Variants in KDR observed in about 807,000 individuals in gnomAD.
The protein encoded by KDR is vascular endothelial growth factor receptor 2.
Under a neutral mutation model 160.9 loss-of-function variants are expected in KDR, and 43 were observed. The ratio of observed to expected loss-of-function variants is 0.27; its 90% CI spans 0.21 to 0.34. The LOEUF (loss-of-function observed/expected upper bound fraction) is 0.34, where lower values mean the gene tolerates loss of function less well. Among genes scored for constraint, KDR ranks in the 10% least tolerant of loss-of-function variants. The pLI is 1.00. For synonymous variants in KDR, 617 were observed against 600.1 expected (o/e 1.03, Z -0.41); for missense variants, 1,469 against 1,666.4 (o/e 0.88, Z 2.06).
intron 9 of KDR, among the ~76,000 whole-genome samples, chr4:55,108,583 C>T (rs1720499142): frequency 6.6e-6 from 1 of 152,138 alleles, no homozygotes; most frequent in South Asian, 2.1e-4. Flanking sequence ...AACCTAGACA[C>T]TCTGACTTCT....
rs1336748999 is a variant in KDR at position 55,118,609 on chromosome 4, A to C, written c.353T>G (p.Val118Gly). 1.9e-6 allele frequency: 3 copies of C among 1,612,484 alleles called. No homozygotes were observed. The highest frequency in any genetic ancestry group is 2.5e-6 in the Non-Finnish European group (3 of 1,178,564). ...AATTTTATTTCACCACTTACCTTGA[A>C]CATAGACATAAATGACCGAGGCCAA... is the stretch of plus-strand genomic sequence containing the variant. ...TDLASVIYVYVQDYRSPFIAS... is the reference protein window; with the variant it reads ...TDLASVIYVYGQDYRSPFIAS... Residue 118 changes from valine to glycine, a missense_variant, in exon 3 of 30, where the codon GTT (valine) becomes GGT (glycine). Physicochemically the swap from Val to Gly is moderately radical, Grantham distance 109. This residue lies in a region of KDR where 792 missense variants were observed against 840.9 expected (regional missense o/e 0.94). Coordinates refer to ENST00000263923, the MANE Select transcript of KDR (RefSeq NM_002253.4).
chr4:55,099,676 A>G (rs994836951), intron 15 of KDR, among the ~76,000 whole-genome samples: 39 of 152,228 alleles, frequency 2.6e-4, no homozygotes, highest in Admixed American at 3.3e-4. Context: ...ATCACTTTAA[A>G]TATGCCATTC....
At chr4:55,113,794 C>A (rs1168639615) in intron 6 of KDR, among the ~76,000 whole-genome samples, 1 of 152,120 alleles carries the variant, frequency 6.6e-6, no homozygotes, top group Non-Finnish European at 1.5e-5. Flanking sequence ...AAGAGAAATT[C>A]CCTTAAAAGG....
intron 10 of KDR, among the ~76,000 whole-genome samples, chr4:55,107,042 C>T (rs1388001882): frequency 1.3e-5 from 2 of 152,156 alleles, no homozygotes; most frequent in African/African-American, 4.8e-5. Context: ...TGGGAATAAA[C>T]CTTCATTCAT....
In KDR at chr4:55,081,436, G is replaced by A. The variant is rs184540256; in HGVS notation, c.3848+520C>T. 5.3e-5 allele frequency among the ~76,000 whole-genome samples: 8 copies of A among 152,206 alleles called. No individual in the cohort carries two copies. The East Asian group carries it at 1.4e-3, about 26-fold the overall frequency. Reference sequence around the variant, plus strand: ...TTCAAGACACCTACAAATTCCTACTGAGCCATAGAAGGGAGATTATATTTA... The same window carrying A: ...TTCAAGACACCTACAAATTCCTACTAAGCCATAGAAGGGAGATTATATTTA... On this transcript the variant is annotated intron_variant, in intron 29 of 29. Transcript: ENST00000263923.
At chr4:55,107,020 A>G (rs1250247448) in intron 10 of KDR, among the ~76,000 whole-genome samples, 1 of 152,194 alleles carries the variant, frequency 6.6e-6, no homozygotes, top group Non-Finnish European at 1.5e-5. Context: ...TACAGGAGGG[A>G]AGCAGCTATT....
chr4:55,122,642 T>C (rs1348186317), intron 1 of KDR, among the ~76,000 whole-genome samples: 1 of 152,200 alleles, frequency 6.6e-6, no homozygotes, highest in Admixed American at 6.5e-5. Flanking sequence ...CTGACATAAC[T>C]GGTCAATATC....
chr4:55,102,798 G>C (rs970888160), intron 13 of KDR, among the ~76,000 whole-genome samples: 22 of 152,120 alleles, frequency 1.4e-4, no homozygotes, highest in African/African-American at 5.3e-4. Flanking sequence ...ATTAGACACA[G>C]CCTCCCCAGG....
chr4:55,084,652 G>T (rs796864501), intron 27 of KDR, among the ~76,000 whole-genome samples: 17 of 152,268 alleles, frequency 1.1e-4, no homozygotes, highest in African/African-American at 3.6e-4. Context: ...GTAGAACTGG[G>T]ACTCAAACTT....
At chr4:55,121,530 A>C (rs1720873755) in intron 1 of KDR, among the ~76,000 whole-genome samples, 3 of 152,238 alleles carry the variant, frequency 2.0e-5, no homozygotes, top group African/African-American at 2.4e-5. Context: ...CTCCCTTGGG[A>C]AAGGACCCAC....
rs1336691868 is a variant in KDR, at chr4:55,121,112, A to G, written c.146T>C (p.Leu49Pro). ...DILTIKANTT[L>P]QITCRGQRDL... Reference sequence around the variant, plus strand: ...GAATCCTTACCTGCAAGTAATTTGAAGAGTTGTATTAGCCTTAATTGTAAG... The same window carrying G: ...GAATCCTTACCTGCAAGTAATTTGAGGAGTTGTATTAGCCTTAATTGTAAG... The change falls in exon 2 of 30, where the codon CTT becomes CCT. Residue 49 changes from leucine to proline, a missense_variant. Coordinates refer to ENST00000263923, the MANE Select transcript of KDR (RefSeq NM_002253.4). 6.2e-7 allele frequency: 1 copy of G among 1,611,088 alleles called. No individual in the cohort carries two copies.
intron 16 of KDR, 137 bp from the exon 17 acceptor site, chr4:55,098,409 A>G (rs1257795009): frequency 5.3e-5 from 56 of 1,057,448 alleles, no homozygotes; most frequent in Non-Finnish European, 7.4e-5. Flanking sequence ...GAGTGGTCCT[A>G]TTATAACCCT....
rs1179536443 is a variant in KDR, at chr4:55,105,102, G to C, written c.1646-118C>G. On this transcript the variant is annotated intron_variant, in intron 12 of 29. Coordinates refer to ENST00000263923, the MANE Select transcript of KDR (RefSeq NM_002253.4). ...AAGAAATGAAGCTCTATCCGTTCCAGGTGATGTACTACAACTTGACAAACA... is the reference window on the plus strand; with the variant it reads ...AAGAAATGAAGCTCTATCCGTTCCACGTGATGTACTACAACTTGACAAACA... 2.5e-5 allele frequency: 21 copies of C among 826,224 alleles called. No homozygotes were observed. In the East Asian group the frequency reaches 5.0e-4, roughly 20 times the overall value. 51.2% of individuals were successfully genotyped at this position (826,224 alleles called of 1,614,324 possible).
chr4:55,085,107 A>C (rs1379606275), intron 27 of KDR, among the ~76,000 whole-genome samples: 2 of 152,166 alleles, frequency 1.3e-5, no homozygotes, highest in Admixed American at 1.3e-4. Context: ...TGTGAGGTGA[A>C]ACTCCCAGGG....
chr4:55,100,156 T>C (rs377710378), intron 15 of KDR, among the ~76,000 whole-genome samples: 4 of 152,182 alleles, frequency 2.6e-5, no homozygotes, highest in African/African-American at 9.6e-5. Context: ...GATGGCCCAC[T>C]ACGGCCTCAA....
In KDR at chr4:55,110,514, C is replaced by G. The variant is rs2110027496; in HGVS notation, c.1144G>C (p.Val382Leu). The G allele has an allele frequency of 6.2e-7, 1 of 1,613,984 alleles. No individual in the cohort carries two copies. The highest frequency in any genetic ancestry group is 8.5e-7 in the Non-Finnish European group (1 of 1,179,948). Residue 382 changes from valine (V) to leucine (L), a missense_variant, in exon 9 of 30, where the codon GTA (valine) becomes CTA (leucine). Coordinates refer to ENST00000263923, the MANE Select transcript of KDR (RefSeq NM_002253.4). Reference protein sequence around the residue: ...ESNHTIKAGHVLTIMEVSERD... With the variant: ...ESNHTIKAGHLLTIMEVSERD... ...TCACTCACTTCCATAATCGTCAGTA[C>G]ATGCCCCGCTTTAATTGTGTGATTG... is the stretch of plus-strand genomic sequence containing the variant.
At chr4:55,101,260 A>T (rs1294011798) in intron 15 of KDR, among the ~76,000 whole-genome samples, 1 of 152,218 alleles carries the variant, frequency 6.6e-6, no homozygotes, top group East Asian at 1.9e-4. Context: ...ATCCTGCCTG[A>T]TTAAGAATTT....
In KDR at chr4:55,082,592, C is replaced by A; in HGVS notation, c.3706G>T (p.Val1236Leu). The A allele has an allele frequency of 1.2e-6, 2 of 1,613,910 alleles. No homozygotes were observed. The highest frequency in any genetic ancestry group is 1.7e-6 in the Non-Finnish European group (2 of 1,179,870). Residue 1236 changes from valine to leucine, a missense_variant, in exon 28 of 30, where the codon GTA becomes TTA. By Grantham distance (32) the Val-to-Leu change is conservative. Coordinates refer to ENST00000263923, the MANE Select transcript of KDR (RefSeq NM_002253.4). ...NSKRKSRPVS[V>L]KTFEDIPLEE... ...AACGGGATATCTTCAAATGTTTTTACACTCACAGGCCGGCTCTTTCGCTTA... is the reference window on the plus strand; with the variant it reads ...AACGGGATATCTTCAAATGTTTTTAAACTCACAGGCCGGCTCTTTCGCTTA...
rs560041991 is a variant in KDR, at chr4:55,082,188, C to T, written c.3763-147G>A. 20 of 728,116 alleles carry T rather than the reference C, an allele frequency of 2.7e-5. No individual in the cohort carries two copies. The African/African-American group carries it at 3.3e-4, about 12-fold the overall frequency. The allele number at this position is 728,116 out of a possible 1,614,324, so 45.1% of individuals were successfully genotyped here. On this transcript the variant is annotated intron_variant, in intron 28 of 29. Transcript: ENST00000263923. The stretch of plus-strand genomic sequence containing the variant: ...AAAGGTATCATAGCCACAAATTGTC[C>T]AAGCTACAAAAGGAAGCAACTGCTT...
Sources: gnomAD v4.1 joint callset for allele counts (sites outside exome capture counted in the v4.1 genomes callset) on GRCh38, gnomAD v4.1.1 for gene constraint, gnomAD v4.1.1 regional missense constraint, MANE v1.5 for transcripts, NCBI Gene and HGNC (gene_info 2026-07-23, HGNC 2026-07-21) for gene names.